Variants in LRP1B observed in about 807,000 individuals in gnomAD.
LRP1B encodes the protein low-density lipoprotein receptor-related protein 1B.
Under a neutral mutation model 556.6 loss-of-function variants are expected in LRP1B, and 217 were observed. The ratio of observed to expected loss-of-function variants is 0.39; its 90% CI spans 0.35 to 0.44. The LOEUF (loss-of-function observed/expected upper bound fraction) is 0.44. LRP1B is among the 20% of genes least tolerant of loss of function. LRP1B has a pLI of 1.00. For synonymous variants in LRP1B, 2,047 were observed against 1,865.8 expected, an observed-to-expected ratio of 1.10 and a Z score of -2.50; for missense variants, 5,053 against 5,620.8, an observed-to-expected ratio of 0.90 and a Z score of 3.23.
At chr2:140,602,445 C>T (rs978575366) in intron 41 of LRP1B, among the ~76,000 whole-genome samples, 3 of 151,906 alleles carry the variant, frequency 2.0e-5, no homozygotes, top group African/African-American at 7.3e-5. Context: ...TACACTTTTC[C>T]TACATGTTAT....
chr2:140,383,464 C>A (rs1683626285), intron 67 of LRP1B, among the ~76,000 whole-genome samples: 1 of 151,982 alleles, frequency 6.6e-6, no homozygotes, highest in South Asian at 2.1e-4. Flanking sequence ...TTTTCTCGTT[C>A]TTTATTGACT....
intron 2 of LRP1B, among the ~76,000 whole-genome samples, chr2:141,755,066 G>T (rs554972137): frequency 7.9e-5 from 12 of 152,096 alleles, no homozygotes; most frequent in Admixed American, 2.0e-4. Context: ...TTAGTGCAAT[G>T]GTTGCAATAG....
intron 1 of LRP1B, among the ~76,000 whole-genome samples, chr2:141,835,984 A>T (rs1697263020): frequency 6.6e-6 from 1 of 152,026 alleles, no homozygotes; most frequent in South Asian, 2.1e-4. Context: ...ATATGTAATG[A>T]TTACAAAACA....
intron 39 of LRP1B, 103 bp downstream of exon 39, chr2:140,702,038 C>A (rs544600684): frequency 5.7e-6 from 8 of 1,412,464 alleles, no homozygotes; most frequent in Non-Finnish European, 7.8e-6. Context: ...TTTGTGAGTT[C>A]CTTTTTGTGA....
intron 86 of LRP1B, among the ~76,000 whole-genome samples, chr2:140,264,702 A>ATGTGTGTGTGTGTGTGTGTG (rs3033314): frequency 6.7e-6 from 1 of 148,866 alleles, no homozygotes; most frequent in Non-Finnish European, 1.5e-5. Flanking sequence ...TTGTCTATAT[A>ATGTGTGTGTGTGTGTGTGTG]TGTGTGTGTG....
chr2:141,927,475 A>G (rs1330530327), intron 1 of LRP1B, among the ~76,000 whole-genome samples: 1 of 152,068 alleles, frequency 6.6e-6, no homozygotes, highest in Non-Finnish European at 1.5e-5. Flanking sequence ...TCATCAGATA[A>G]TATTTTTCTT....
intron 1 of LRP1B, among the ~76,000 whole-genome samples, chr2:142,079,285 G>A: frequency 6.6e-6 from 1 of 151,998 alleles, no homozygotes; most frequent in African/African-American, 2.4e-5. Flanking sequence ...TTTGTGTGTT[G>A]AGTTATTTTG....
chr2:141,515,690 T>G (rs552537401), intron 2 of LRP1B, among the ~76,000 whole-genome samples: 6 of 152,306 alleles, frequency 3.9e-5, no homozygotes, highest in Admixed American at 3.9e-4. Flanking sequence ...TAAAGATATG[T>G]ATGTATTTCT....
At position 141,447,554 on chromosome 2, in the gene LRP1B, A is replaced by G. The variant is rs544040637; in HGVS notation, c.343+32842T>C. Among the ~76,000 whole-genome samples the G allele has an allele frequency of 2.3e-3, 353 of 152,104 alleles. 1 individual carries two copies. The highest frequency in any genetic ancestry group is 7.8e-3 in the African/African-American group (323 of 41,490). On this transcript the variant is annotated intron_variant, in intron 3 of 90. Transcript: ENST00000389484. ...TTTCCTCATGTTCATGGATTTATCT[A>G]CCTTTGGTCTTTGATGTTGGTGACC... is the stretch of plus-strand genomic sequence containing the variant.
intron 7 of LRP1B, among the ~76,000 whole-genome samples, chr2:141,181,796 A>G (rs1681009877): frequency 6.6e-6 from 1 of 152,010 alleles, no homozygotes; most frequent in Non-Finnish European, 1.5e-5. Context: ...AAGTAATACT[A>G]TGCATGAACT....
At chr2:141,537,582 A>T (rs1251516521) in intron 2 of LRP1B, among the ~76,000 whole-genome samples, 7 of 152,150 alleles carry the variant, frequency 4.6e-5, no homozygotes, top group Non-Finnish European at 1.0e-4. Flanking sequence ...AAATCACTTC[A>T]TCTATTTGAA....
At chr2:140,872,812 T>A (rs1693181096) in intron 25 of LRP1B, among the ~76,000 whole-genome samples, 1 of 151,998 alleles carries the variant, frequency 6.6e-6, no homozygotes, top group South Asian at 2.1e-4. Flanking sequence ...TGCCTAGGGT[T>A]GTGAAACAAG....
chr2:142,033,560 A>T (rs924082935), intron 1 of LRP1B, among the ~76,000 whole-genome samples: 11 of 151,758 alleles, frequency 7.2e-5, no homozygotes, highest in Non-Finnish European at 1.6e-4. Context: ...CTCACCCAAG[A>T]AGCTAAATGG....
Position 141,201,292 on chromosome 2 carries a change from T to C in LRP1B, c.851-12709A>G, listed in dbSNP as rs1682004111. The stretch of plus-strand genomic sequence containing the variant: ...AAATGTCGTACTAAGGATGAAATAC[T>C]ACCACATCCACTTATGCGTTAAAAC... On this transcript the variant is annotated intron_variant, in intron 6 of 90. Coordinates refer to ENST00000389484, the MANE Select transcript of LRP1B (RefSeq NM_018557.3). 3.3e-5 allele frequency among the ~76,000 whole-genome samples: 5 copies of C among 152,202 alleles called. No homozygotes were observed. The South Asian group carries it at 1.0e-3, about 31-fold the overall frequency.
chr2:140,775,255 C>A lies in LRP1B; in HGVS notation c.5500+843G>T, dbSNP rs138880595. ...AATGCTGCTTGCTTGATGGTCATTA[C>A]CTATCTGCAGAAATAGCAATCCCCT... On this transcript the variant is annotated intron_variant, in intron 33 of 90. Coordinates refer to ENST00000389484, the MANE Select transcript of LRP1B (RefSeq NM_018557.3). 3.3e-3 allele frequency among the ~76,000 whole-genome samples: 494 copies of A among 151,938 alleles called. 3 individuals carry two copies. The highest frequency in any genetic ancestry group is 5.1e-3 in the Non-Finnish European group (344 of 67,964).
intron 2 of LRP1B, among the ~76,000 whole-genome samples, chr2:141,584,733 T>C (rs766807339): frequency 6.6e-6 from 1 of 152,120 alleles, no homozygotes; most frequent in Non-Finnish European, 1.5e-5. Context: ...TGAGGCAAAA[T>C]TCTGCAACAT....
At chr2:141,319,046 A>G (rs924070543) in intron 3 of LRP1B, among the ~76,000 whole-genome samples, 4 of 152,082 alleles carry the variant, frequency 2.6e-5, no homozygotes, top group Non-Finnish European at 5.9e-5. Flanking sequence ...CAATTGTAAG[A>G]GACCTAAAGT....
rs544594718 is a variant in LRP1B, at chr2:141,537,578, C to T, written c.206-57045G>A. 7.2e-5 allele frequency among the ~76,000 whole-genome samples: 11 copies of T among 152,198 alleles called. No individual in the cohort carries two copies. The East Asian group carries it at 2.1e-3, about 29-fold the overall frequency. On this transcript the variant is annotated intron_variant, in intron 2 of 90. Coordinates refer to ENST00000389484, the MANE Select transcript of LRP1B (RefSeq NM_018557.3). Reference sequence around the variant, plus strand: ...AAACTGTGTAACTTTAGGTAAATCACTTCATCTATTTGAATTTCTATTTCC... The same window carrying T: ...AAACTGTGTAACTTTAGGTAAATCATTTCATCTATTTGAATTTCTATTTCC...
chr2:140,302,461 C>T (rs1011345141), intron 83 of LRP1B, among the ~76,000 whole-genome samples: 6 of 152,160 alleles, frequency 3.9e-5, no homozygotes, highest in Admixed American at 3.3e-4. Context: ...ATTCAAGTTG[C>T]ACTCTGTTAG....
Sources: gnomAD v4.1 joint callset for allele counts (sites outside exome capture counted in the v4.1 genomes callset) on GRCh38, gnomAD v4.1.1 for gene constraint, MANE v1.5 for transcripts, NCBI Gene and HGNC (gene_info 2026-07-23, HGNC 2026-07-21) for gene names.